Variants in IRAG2 observed in about 807,000 individuals in gnomAD.
The protein encoded by IRAG2 is lymphoid restricted membrane protein.
A neutral mutation model predicts 69.9 loss-of-function variants in IRAG2; 45 were observed. The observed-to-expected ratio is 0.64, with a 90% CI of 0.51 to 0.83. IRAG2 has a LOEUF of 0.83. IRAG2 is among the 40% of genes least tolerant of loss of function. The probability of loss-of-function intolerance (pLI) is 0.00; values close to 1 mark genes in which losing one functional copy is unlikely to be tolerated. For synonymous variants in IRAG2, 193 were observed against 202.4 expected (o/e 0.95, Z 0.40); for missense variants, 520 against 587.0 (o/e 0.89, Z 1.18).
upstream of IRAG2, among the ~76,000 whole-genome samples, chr12:25,003,915 A>G (rs1207538020): frequency 6.6e-6 from 1 of 152,218 alleles, no homozygotes; most frequent in Non-Finnish European, 1.5e-5. Flanking sequence ...ATAAATAAAA[A>G]GCAATGTGGT....
chr12:25,004,273 T>G (rs181029590), upstream of IRAG2: 7 of 1,078,436 alleles, frequency 6.5e-6, no homozygotes, highest in Admixed American at 4.3e-5. Context: ...AAATACTGAC[T>G]TTTAAACATG....
chr12:25,066,752 C>T (rs1194297630), intron 5 of IRAG2, among the ~76,000 whole-genome samples: 1 of 151,372 alleles, frequency 6.6e-6, no homozygotes, highest in Non-Finnish European at 1.5e-5. Context: ...CGAGGTCAAG[C>T]AATTCTCATG....
At position 25,108,274 on chromosome 12, in the gene IRAG2, G is replaced by C; in HGVS notation, c.*214G>C. On this transcript the variant is annotated 3_prime_UTR_variant, in exon 22 of 22. Coordinates refer to ENST00000556887, the MANE Select transcript of IRAG2 (RefSeq NM_001366544.2). Reference sequence around the variant, plus strand: ...TATGATCTTTGAATGAGCTTTTTAAGGAAGAAATATTATATATTGTTTGTT... The same window carrying C: ...TATGATCTTTGAATGAGCTTTTTAACGAAGAAATATTATATATTGTTTGTT... 1.8e-6 allele frequency: 1 copy of C among 569,100 alleles called. No homozygotes were observed. The highest frequency in any genetic ancestry group is 3.0e-6 in the Non-Finnish European group (1 of 334,064). 35.3% of individuals were successfully genotyped at this position (569,100 alleles called of 1,614,324 possible).
exon 3 of IRAG2, chr12:25,011,507 C>T: frequency 8.1e-7 from 1 of 1,231,652 alleles, no homozygotes; most frequent in Non-Finnish European, 1.0e-6. Flanking sequence ...TGGAAACTTT[C>T]CAGGCCATGA....
intron 4 of IRAG2, among the ~76,000 whole-genome samples, chr12:25,064,710 T>A (rs1265271556): frequency 6.6e-6 from 1 of 152,232 alleles, no homozygotes; most frequent in Admixed American, 6.5e-5. Flanking sequence ...GTCTATTTTG[T>A]GTCAGGCAGT....
chr12:25,068,319 C>T (rs1946118081), intron 5 of IRAG2, among the ~76,000 whole-genome samples: 1 of 152,136 alleles, frequency 6.6e-6, no homozygotes, highest in African/African-American at 2.4e-5. Context: ...TGAAGAGATA[C>T]ATCGGAAAGG....
intron 18 of IRAG2, 24 bp downstream of exon 18, chr12:25,103,923 T>C: frequency 6.2e-7 from 1 of 1,607,380 alleles, no homozygotes; most frequent in Non-Finnish European, 8.5e-7. Context: ...TAAGTGTTCT[T>C]AGTCAAAGGT....
chr12:25,049,935 A>G (rs1944827469), upstream of IRAG2, among the ~76,000 whole-genome samples: 1 of 129,400 alleles, frequency 7.7e-6, no homozygotes, highest in African/African-American at 2.8e-5. Context: ...GTGAGCCAAG[A>G]TTGTGCCACT....
At chr12:25,081,016 T>C (rs76634422) in intron 9 of IRAG2, among the ~76,000 whole-genome samples, 1,990 of 152,332 alleles carry the variant, frequency 0.013, 35 homozygotes, top group African/African-American at 0.046. Context: ...TGCCAAATCC[T>C]ATACACACTA....
At chr12:25,021,368 G>A (rs1230369894) in intron 7 of IRAG2, among the ~76,000 whole-genome samples, 3 of 151,502 alleles carry the variant, frequency 2.0e-5, no homozygotes, top group Non-Finnish European at 2.9e-5. Flanking sequence ...TCCTAAAGTC[G>A]ATAGGAGAAT....
At chr12:25,000,951 A>T (rs534972201), upstream of IRAG2, among the ~76,000 whole-genome samples, 8 of 152,358 alleles carry the variant, frequency 5.3e-5, no homozygotes, top group South Asian at 2.1e-4. Context: ...ATCGAAAATT[A>T]AAAAAGACGT....
At chr12:25,086,319 C>A (rs1390838562) in intron 10 of IRAG2, among the ~76,000 whole-genome samples, 1 of 152,014 alleles carries the variant, frequency 6.6e-6, no homozygotes, top group Admixed American at 6.5e-5. Context: ...TATGGCTTAA[C>A]CTACCGAATG....
chr12:25,012,238 G>A (rs2013584), intron 3 of IRAG2, among the ~76,000 whole-genome samples: 49,520 of 140,828 alleles, frequency 0.35, 10,529 homozygotes, highest in Admixed American at 0.52. Context: ...CACTGCAACC[G>A]CTGCCTCCCG....
chr12:25,022,847 C>T (rs535544578), intron 7 of IRAG2, among the ~76,000 whole-genome samples: 16 of 152,240 alleles, frequency 1.1e-4, no homozygotes, highest in Admixed American at 2.0e-4. Context: ...GTAGGGCCAC[C>T]GGGCGTGGTG....
chr12:25,057,193 T>G (rs573739413), intron 1 of IRAG2, among the ~76,000 whole-genome samples: 1 of 151,622 alleles, frequency 6.6e-6, no homozygotes, highest in East Asian at 1.9e-4. Flanking sequence ...GTTAGTACTC[T>G]GGTTACAGTG....
intron 3 of IRAG2, chr12:25,015,159 T>TTG (rs1555125472): frequency 2.1e-6 from 2 of 948,124 alleles, no homozygotes; most frequent in Non-Finnish European, 2.6e-6. Flanking sequence ...GGTTTTGTTT[T>TTG]TTTTTTTTTT....
chr12:25,040,690 G>C (rs1944741042), intron 16 of IRAG2, among the ~76,000 whole-genome samples: 1 of 152,212 alleles, frequency 6.6e-6, no homozygotes, highest in Middle Eastern at 3.2e-3. Flanking sequence ...AGGCTCTAAT[G>C]CTGAAGAATG....
At chr12:25,076,553 CA>C in intron 6 of IRAG2, 1 of 984,736 alleles carries the variant, frequency 1.0e-6, no homozygotes, top group Non-Finnish European at 1.2e-6. Flanking sequence ...CTCTTTTCCC[CA>C]AACTGGAAAC....
chr12:25,027,426 G>A (rs1486698170), intron 9 of IRAG2, among the ~76,000 whole-genome samples: 3 of 135,950 alleles, frequency 2.2e-5, no homozygotes, highest in South Asian at 2.2e-4. Context: ...ACAGAATCTC[G>A]CTCTTTTGCC....
Sources: gnomAD v4.1 joint callset for allele counts (sites outside exome capture counted in the v4.1 genomes callset) on GRCh38, gnomAD v4.1.1 for gene constraint, MANE v1.5 for transcripts, NCBI Gene and HGNC (gene_info 2026-07-23, HGNC 2026-07-21) for gene names.